The following WDFY2 variants were observed in gnomAD, a reference collection of about 807,000 sequenced individuals.
The protein encoded by WDFY2 is WD repeat and FYVE domain containing 2, also known as WD repeat and FYVE domain-containing protein 2.
In WDFY2, 36 loss-of-function variants were observed where a neutral mutation model predicts 56.4. The ratio of observed to expected loss-of-function variants is 0.64; its 90% CI spans 0.49 to 0.84. WDFY2 has a LOEUF of 0.84. Among genes scored for constraint, WDFY2 ranks in the 40% least tolerant of loss-of-function variants. The probability of loss-of-function intolerance (pLI) is 0.00; values close to 1 mark genes in which losing one functional copy is unlikely to be tolerated. For missense variants in WDFY2, 444 were observed against 512.2 expected (o/e 0.87, Z 1.29); for synonymous variants, 176 against 183.7 (o/e 0.96, Z 0.34).
At chr13:51,700,902 G>T (rs1951970690) in intron 3 of WDFY2, among the ~76,000 whole-genome samples, 1 of 152,182 alleles carries the variant, frequency 6.6e-6, no homozygotes, top group African/African-American at 2.4e-5. Flanking sequence ...AGGAGGCGGA[G>T]GTTGCGGTGG....
intron 4 of WDFY2, among the ~76,000 whole-genome samples, chr13:51,713,310 C>G (rs61958305): frequency 0.023 from 3,485 of 152,126 alleles, 59 homozygotes; most frequent in East Asian, 0.092. Context: ...AATACAGTGT[C>G]GGATTAACAT....
At chr13:51,736,245 G>T (rs76720464) in intron 6 of WDFY2, among the ~76,000 whole-genome samples, 2,035 of 152,256 alleles carry the variant, frequency 0.013, 55 homozygotes, top group African/African-American at 0.047. Flanking sequence ...CAACAATACT[G>T]TGGGTTAGGT....
intron 1 of WDFY2, among the ~76,000 whole-genome samples, chr13:51,585,614 G>A (rs1953921960): frequency 6.6e-6 from 1 of 152,212 alleles, no homozygotes; most frequent in South Asian, 2.1e-4. Context: ...CAGGAATAAA[G>A]CTGATGAAGC....
In WDFY2 at chr13:51,762,975, T is replaced by C. The variant is rs1032257731; in HGVS notation, c.*3206T>C. The stretch of plus-strand genomic sequence containing the variant: ...TTGAGATTAAGCATTTGGAATCTTA[T>C]GTCATTTTGTATGGGGTCAATCCAC... On this transcript the variant is annotated 3_prime_UTR_variant, in exon 12 of 12. Coordinates refer to ENST00000298125, the MANE Select transcript of WDFY2 (RefSeq NM_052950.4). 6.6e-5 allele frequency: 10 copies of C among 152,230 alleles called. No individual in the cohort carries two copies. Among genetic ancestry groups the C allele is most frequent in the Admixed American group, 4.6e-4 (7 of 15,288 alleles). The allele number at this position is 152,230 out of a possible 1,614,324, so 9.4% of individuals were successfully genotyped here.
At chr13:51,598,421 A>G (rs1447527042) in intron 1 of WDFY2, 2 of 152,274 alleles carry the variant, frequency 1.3e-5, no homozygotes, top group African/African-American at 4.8e-5. Flanking sequence ...CAGGGATGCT[A>G]AGATTGCTGC....
intron 1 of WDFY2, among the ~76,000 whole-genome samples, chr13:51,617,144 C>G (rs1031217989): frequency 2.6e-5 from 4 of 152,146 alleles, no homozygotes; most frequent in African/African-American, 7.2e-5. Flanking sequence ...TTATACAAAA[C>G]TCTTAGTGTT....
In WDFY2 at chr13:51,715,824, C is replaced by G. The variant is rs542705378; in HGVS notation, c.335-3374C>G. 1.2e-4 allele frequency among the ~76,000 whole-genome samples: 19 copies of G among 152,252 alleles called. No individual in the cohort carries two copies. The South Asian group carries it at 3.7e-3, about 30-fold the overall frequency. ...TGAGTAATGCATTGTGCTAGAACAG[C>G]CACGCCCTTTCAGCCCCATTATAAT... On this transcript the variant is annotated intron_variant, in intron 4 of 11. Transcript: ENST00000298125.
At chr13:51,696,825 ATTATT>A (rs1431274327) in intron 3 of WDFY2, among the ~76,000 whole-genome samples, 2 of 152,242 alleles carry the variant, frequency 1.3e-5, no homozygotes, top group Admixed American at 6.5e-5. Context: ...AAACGAAAAT[ATTATT>A]TTATTTAACT....
At chr13:51,672,173 G>A (rs972918879) in intron 2 of WDFY2, among the ~76,000 whole-genome samples, 11 of 152,102 alleles carry the variant, frequency 7.2e-5, no homozygotes, top group Admixed American at 3.3e-4. Flanking sequence ...GAATTTTTAT[G>A]GTTTCAGGTT....
intron 4 of WDFY2, among the ~76,000 whole-genome samples, chr13:51,717,061 A>G (rs909326202): frequency 1.3e-5 from 2 of 152,290 alleles, no homozygotes; most frequent in East Asian, 3.9e-4. Flanking sequence ...CCTGCAGCTA[A>G]CATCATCCTT....
chr13:51,632,342 GT>G (rs200804906), intron 1 of WDFY2, among the ~76,000 whole-genome samples: 3 of 150,598 alleles, frequency 2.0e-5, no homozygotes, highest in Non-Finnish European at 4.4e-5. Flanking sequence ...TTTGAGTTCT[GT>G]TTTTTTTCCC....
At chr13:51,706,794 T>C (rs1341908861) in intron 4 of WDFY2, among the ~76,000 whole-genome samples, 2 of 152,202 alleles carry the variant, frequency 1.3e-5, no homozygotes, top group East Asian at 3.9e-4. Context: ...AAGCACTGCT[T>C]AAGATGAATT....
chr13:51,716,334 C>T (rs1952345055), intron 4 of WDFY2, among the ~76,000 whole-genome samples: 1 of 152,158 alleles, frequency 6.6e-6, no homozygotes, highest in Non-Finnish European at 1.5e-5. Context: ...GAATTATACA[C>T]TATAAAATGT....
At chr13:51,723,459 CCTTCACTTTT>C (rs1952535345) in intron 5 of WDFY2, among the ~76,000 whole-genome samples, 1 of 151,974 alleles carries the variant, frequency 6.6e-6, no homozygotes, top group Admixed American at 6.6e-5. Context: ...AGCAGTGCCC[CCTTCACTTTT>C]TTTTAATGCC....
At chr13:51,737,743 G>A (rs941434153) in intron 6 of WDFY2, among the ~76,000 whole-genome samples, 3 of 152,104 alleles carry the variant, frequency 2.0e-5, no homozygotes, top group African/African-American at 4.8e-5. Context: ...CACAGTGAGC[G>A]GCCTGTCTGC....
Position 51,584,829 on chromosome 13 carries a change from G to T in WDFY2, c.137+5G>T, listed in dbSNP as rs200749824. 1.9e-6 allele frequency: 3 copies of T among 1,613,498 alleles called. No individual in the cohort carries two copies. In the Admixed American group the frequency reaches 5.0e-5, roughly 27 times the overall value. The stretch of plus-strand genomic sequence containing the variant: ...CATCAGCGTCTCCGAGGACAGGTAT[G>T]GACTACTGCCATTCGGCCGCGAGGA... On this transcript the variant is annotated splice_donor_5th_base_variant and intron_variant, in intron 1 of 11. Transcript: ENST00000298125.
chr13:51,651,107 A>C (rs573617014), intron 1 of WDFY2, among the ~76,000 whole-genome samples: 10 of 152,210 alleles, frequency 6.6e-5, no homozygotes, highest in African/African-American at 2.4e-4. Flanking sequence ...TTATTGGTCT[A>C]TTCAGAGATT....
At chr13:51,603,567 T>C (rs1035534290) in intron 1 of WDFY2, among the ~76,000 whole-genome samples, 2 of 152,248 alleles carry the variant, frequency 1.3e-5, no homozygotes, top group Non-Finnish European at 2.9e-5. Flanking sequence ...CTTTACATTC[T>C]AATGTAAGAA....
chr13:51,628,644 G>A lies in WDFY2; in HGVS notation c.138-31952G>A, dbSNP rs546168094. On this transcript the variant is annotated intron_variant, in intron 1 of 11. Coordinates refer to ENST00000298125, the MANE Select transcript of WDFY2 (RefSeq NM_052950.4). ...CTGCTGCAGCCGGCCTCTTCCGAGT[G>A]GTCCCTCCAGATGGCCACGGCTGCC... Among the ~76,000 whole-genome samples, 113 of 152,332 alleles carry A rather than the reference G, an allele frequency of 7.4e-4. 1 individual carries two copies. Among genetic ancestry groups the A allele is most frequent in the Middle Eastern group, 3.4e-3 (1 of 294 alleles).
Sources: allele counts gnomAD v4.1 joint callset (sites outside exome capture counted in the v4.1 genomes callset), GRCh38; gene constraint gnomAD v4.1.1; transcripts MANE v1.5; gene names NCBI Gene and HGNC (gene_info 2026-07-23, HGNC 2026-07-21).